GNL3L: variants seen among roughly 807,000 people sequenced by gnomAD.
GNL3L encodes the protein guanine nucleotide-binding protein-like 3-like protein.
Under a neutral mutation model 42.9 loss-of-function variants are expected in GNL3L, and 4 were observed. The ratio of observed to expected loss-of-function variants is 0.09; its 90% confidence interval spans 0.05 to 0.21. The LOEUF is 0.21. Ranked by LOEUF, GNL3L falls within the 10% of genes least tolerant of loss-of-function variation. GNL3L has a pLI of 1.00. For synonymous variants in GNL3L, 159 were observed against 176.3 expected (o/e 0.90, Z 0.78); for missense variants, 412 against 481.7 (o/e 0.86, Z 1.36).
At chrX:54,630,683 T>TTCCTTCCTTCCTTCCC in the GNL3L span, among the ~76,000 whole-genome samples, 1 of 472 alleles carries the variant, frequency 2.1e-3, no homozygotes, top group Non-Finnish European at 0.012. Flanking sequence ...CCTTCCTTCC[T>TTCCTTCCTTCCTTCCC]TCCTTCCTTC....
chrX:54,613,715 C>T (rs963833368), intron 16 of GNL3L, among the ~76,000 whole-genome samples: 6 of 110,877 alleles, frequency 5.4e-5, no homozygotes, highest in East Asian at 2.9e-4. Context: ...ACCTGGCTCC[C>T]GGCTGGTACT....
chrX:54,616,242 C>G (rs1390607882), intron 16 of GNL3L, among the ~76,000 whole-genome samples: 1 of 113,142 alleles, frequency 8.8e-6, no homozygotes, highest in East Asian at 2.8e-4. Flanking sequence ...CTTCTTCAAA[C>G]TGATATTCTT....
At chrX:54,556,623 G>A (rs61433735) in intron 14 of GNL3L, among the ~76,000 whole-genome samples, 12,007 of 110,047 alleles carry the variant, frequency 0.11, 1,463 homozygotes, top group African/African-American at 0.35. Context: ...TAAGTGATCC[G>A]CCCTCCTTGG....
chrX:54,632,426 T>TA, the GNL3L span, among the ~76,000 whole-genome samples: 2 of 111,542 alleles, frequency 1.8e-5, no homozygotes, highest in African/African-American at 6.5e-5. Flanking sequence ...TTTTTTTTTT[T>TA]AACATAATTT....
intron 9 of GNL3L, 99 bp from the exon 10 acceptor site, chrX:54,550,864 G>A: frequency 1.9e-6 from 1 of 538,922 alleles, no homozygotes; most frequent in Non-Finnish European, 3.2e-6. Flanking sequence ...GCTTCCCCAT[G>A]GCCTGGTTAC....
chrX:54,565,210 C>T lies in GNL3L; in HGVS notation c.*4608C>T, dbSNP rs1925392650. ...TGTGTGGATTTACTACTGTTTGTTC[C>T]CCAGTTGAAGGATGTTTAGGATCTT... is the stretch of plus-strand genomic sequence containing the variant. On this transcript the variant is annotated 3_prime_UTR_variant, in exon 16 of 16. Transcript: ENST00000360845. 9.0e-6 allele frequency among the ~76,000 whole-genome samples: 1 copy of T among 111,268 alleles called. No individual in the cohort carries two copies. Among genetic ancestry groups the T allele is most frequent in the African/African-American group, 3.3e-5 (1 of 30,640 alleles).
Position 54,545,117 on chromosome X carries a change from T to C in GNL3L, c.630+791T>C, listed in dbSNP as rs902231602. Among the ~76,000 whole-genome samples, 3 of 112,148 alleles carry C rather than the reference T, an allele frequency of 2.7e-5. No individual in the cohort carries two copies. In the Admixed American group the frequency reaches 2.8e-4, roughly 11 times the overall value. ...TTTTAGTAGACACGGGGTTTCGCCG[T>C]GTTGGCCGGGCTGGTCTCAAGCTCC... On this transcript the variant is annotated intron_variant, in intron 8 of 15. Coordinates refer to ENST00000360845, the MANE Select transcript of GNL3L (RefSeq NM_001184819.2).
intron 16 of GNL3L, among the ~76,000 whole-genome samples, chrX:54,575,388 T>A (rs1211281391): frequency 1.8e-5 from 2 of 111,435 alleles, no homozygotes; most frequent in Non-Finnish European, 3.8e-5. Flanking sequence ...TTATAATTTA[T>A]CATTTTAATT....
chrX:54,634,126 T>C, the GNL3L span, among the ~76,000 whole-genome samples: 2 of 112,228 alleles, frequency 1.8e-5, no homozygotes, highest in Non-Finnish European at 3.8e-5. Context: ...TTGGAGTTCA[T>C]ATAGCTTCTT....
At chrX:54,636,076 A>AT in the GNL3L span, among the ~76,000 whole-genome samples, 1 of 111,945 alleles carries the variant, frequency 8.9e-6, no homozygotes, top group Non-Finnish European at 1.9e-5. Context: ...CATATTGCTC[A>AT]TTTTTTCTTG....
intron 14 of GNL3L, 69 bp downstream of exon 14, chrX:54,554,761 T>TA (rs1249005354): frequency 2.3e-5 from 23 of 993,320 alleles, no homozygotes; most frequent in Admixed American, 1.4e-4. Context: ...TCAATCCCTT[T>TA]TACCTGCCTT....
rs185441261 is a variant in GNL3L, at chrX:54,594,184, A to C, written c.*46-26661A>C. ...GATTTTCTCTCTGCAAGATTTGTCC[A>C]GTGCTAAAAGTGGGATGTTGAAATC... On this transcript the variant is annotated intron_variant, in intron 16 of 16. Transcript: ENST00000674498. 4.7e-3 allele frequency among the ~76,000 whole-genome samples: 527 copies of C among 111,670 alleles called. 2 individuals are homozygous for C. Among genetic ancestry groups the C allele is most frequent in the African/African-American group, 0.016 (478 of 30,816 alleles).
intron 13 of GNL3L, 121 bp downstream of exon 13, chrX:54,552,549 T>C (rs1924980035): frequency 5.0e-6 from 3 of 600,797 alleles, no homozygotes; most frequent in South Asian, 6.7e-5. Flanking sequence ...GGCAAGTTGC[T>C]TAAGCAGCTT....
intron 9 of GNL3L, among the ~76,000 whole-genome samples, chrX:54,548,838 C>G (rs752572842): frequency 9.0e-6 from 1 of 110,871 alleles, no homozygotes; most frequent in South Asian, 3.9e-4. Context: ...TGTGAAGCCA[C>G]GTGAGAAAGA....
intron 16 of GNL3L, among the ~76,000 whole-genome samples, chrX:54,608,211 TC>T (rs1926120903): frequency 9.0e-6 from 1 of 111,613 alleles, no homozygotes; most frequent in East Asian, 2.8e-4. Flanking sequence ...CTTTACTTTT[TC>T]TTTTTTTTGC....
At chrX:54,585,610 T>C (rs997385261) in intron 16 of GNL3L, among the ~76,000 whole-genome samples, 50 of 112,018 alleles carry the variant, frequency 4.5e-4, no homozygotes, top group African/African-American at 1.5e-3. Context: ...ATCTCCTCTT[T>C]CATTTCTGAT....
intron 14 of GNL3L, among the ~76,000 whole-genome samples, chrX:54,557,882 C>T (rs960427760): frequency 2.7e-5 from 3 of 110,203 alleles, no homozygotes; most frequent in African/African-American, 9.9e-5. Flanking sequence ...TGAACCACTG[C>T]GCCTGCCAGA....
chrX:54,559,359 C>G (rs1474304089), intron 15 of GNL3L, among the ~76,000 whole-genome samples: 1 of 111,630 alleles, frequency 9.0e-6, no homozygotes, highest in African/African-American at 3.3e-5. Flanking sequence ...CCTACACGTA[C>G]AAGAGGATAT....
At chrX:54,623,981 C>T (rs920712491), downstream of GNL3L, among the ~76,000 whole-genome samples, 5 of 109,003 alleles carry the variant, frequency 4.6e-5, no homozygotes, top group African/African-American at 1.7e-4. Flanking sequence ...ACTGCAGTGG[C>T]GTGAGCTCAG....
Sources: gnomAD v4.1 joint callset for allele counts (sites outside exome capture counted in the v4.1 genomes callset) on GRCh38, gnomAD v4.1.1 for gene constraint, MANE v1.5 for transcripts, NCBI Gene and HGNC (gene_info 2026-07-23, HGNC 2026-07-21) for gene names.